The following CCDC88C variants were observed in gnomAD, a reference collection of about 807,000 sequenced individuals.
CCDC88C encodes the protein protein Daple.
CCDC88C carries 131 observed loss-of-function variants against 198.8 expected under a neutral mutation model. The ratio of observed to expected loss-of-function variants is 0.66; its 90% CI spans 0.57 to 0.76. The LOEUF is 0.76. Ranked by LOEUF, CCDC88C falls within the 30% of genes least tolerant of loss-of-function variation. The probability of loss-of-function intolerance (pLI) is 0.00; values close to 1 mark genes in which losing one functional copy is unlikely to be tolerated. For synonymous variants in CCDC88C, 1,166 were observed against 1,114.7 expected, an observed-to-expected ratio of 1.05 and a Z score of -0.92; for missense variants, 2,553 against 2,631.6, an observed-to-expected ratio of 0.97 and a Z score of 0.65.
chr14:91,323,520 T>C (rs951572890), intron 12 of CCDC88C, among the ~76,000 whole-genome samples: 4 of 152,186 alleles, frequency 2.6e-5, no homozygotes, highest in Non-Finnish European at 5.9e-5. Flanking sequence ...CACTGCCCCA[T>C]ACACTCAGGC....
chr14:91,345,190 A>ATATATT (rs1246878587), intron 4 of CCDC88C, among the ~76,000 whole-genome samples: 6 of 52,202 alleles, frequency 1.1e-4, no homozygotes, highest in Admixed American at 3.0e-4. Flanking sequence ...ATATATATAT[A>ATATATT]TTTTTTTTTT....
intron 26 of CCDC88C, among the ~76,000 whole-genome samples, chr14:91,282,504 T>C (rs77748318): frequency 0.025 from 3,761 of 152,362 alleles, 162 homozygotes; most frequent in South Asian, 0.18. Context: ...TGCTTTTTTA[T>C]AGCATCCTGT....
At chr14:91,367,434 T>A (rs1894593319) in intron 3 of CCDC88C, among the ~76,000 whole-genome samples, 1 of 152,200 alleles carries the variant, frequency 6.6e-6, no homozygotes, top group Non-Finnish European at 1.5e-5. Flanking sequence ...ATGAGTGACG[T>A]CGGCTTCGCA....
In CCDC88C at chr14:91,304,055, G is replaced by A. The variant is rs532365094; in HGVS notation, c.3358-77C>T. On this transcript the variant is annotated intron_variant, in intron 19 of 29. Coordinates refer to ENST00000389857, the MANE Select transcript of CCDC88C (RefSeq NM_001080414.4). ...GGGCTGGGGAGCAGGTCAAGTGCTCGAGCAGACACGAAAATAGCCGGGACC... is the reference window on the plus strand; with the variant it reads ...GGGCTGGGGAGCAGGTCAAGTGCTCAAGCAGACACGAAAATAGCCGGGACC... 1.3e-4 allele frequency: 193 copies of A among 1,509,176 alleles called. 1 individual carries two copies. In the African/African-American group the frequency reaches 2.5e-3, roughly 20 times the overall value. The allele number at this position is 1,509,176 out of a possible 1,614,324, so 93.5% of individuals were successfully genotyped here. A position where few individuals can be genotyped will look rare whatever the true frequency, so the allele number is the denominator to read the frequency against.
chr14:91,399,027 G>A (rs1169609530), intron 3 of CCDC88C, among the ~76,000 whole-genome samples: 3 of 152,140 alleles, frequency 2.0e-5, no homozygotes, highest in East Asian at 3.9e-4. Context: ...TCCTCTCTGC[G>A]GACCACTCTC....
chr14:91,338,448 C>T lies in CCDC88C; in HGVS notation c.891+41G>A, dbSNP rs1462846182. 6.6e-7 allele frequency: 1 copy of T among 1,523,448 alleles called. No individual in the cohort carries two copies. The highest frequency in any genetic ancestry group is 1.2e-5 in the South Asian group (1 of 83,490). The allele number at this position is 1,523,448 out of a possible 1,614,324, so 94.4% of individuals were successfully genotyped here. A position where few individuals can be genotyped will look rare whatever the true frequency, so the allele number is the denominator to read the frequency against. On this transcript the variant is annotated intron_variant, in intron 9 of 29. Transcript: ENST00000389857. The surrounding 1 kb of genome is among the most constrained non-coding windows in gnomAD (Gnocchi z 4.8). Reference sequence around the variant, plus strand: ...GGCCCCGTTACTGGACACTCCAGCCCTGCTACCCCCAGGACACACAGGCTC... The same window carrying T: ...GGCCCCGTTACTGGACACTCCAGCCTTGCTACCCCCAGGACACACAGGCTC...
In CCDC88C at chr14:91,344,801, T is replaced by C. The variant is rs566153109; in HGVS notation, c.341-1144A>G. Reference sequence around the variant, plus strand: ...GGCTTGAGCCACCGCGCCCGGCCCCTTTTTTTTTTTTCTGATACAGGTTCC... The same window carrying C: ...GGCTTGAGCCACCGCGCCCGGCCCCCTTTTTTTTTTTCTGATACAGGTTCC... On this transcript the variant is annotated intron_variant, in intron 4 of 29. Transcript: ENST00000389857. Among the ~76,000 whole-genome samples the C allele has an allele frequency of 2.0e-3, 284 of 143,416 alleles. 2 individuals carry two copies. The highest frequency in any genetic ancestry group is 6.2e-3 in the African/African-American group (247 of 39,580). The allele number at this position is 143,416 out of a possible 152,430, so 94.1% of individuals were successfully genotyped here.
In CCDC88C at chr14:91,325,875, T is replaced by C. The variant is rs752485418; in HGVS notation, c.1197+35A>G. 1.3e-6 allele frequency: 2 copies of C among 1,533,888 alleles called. No individual in the cohort carries two copies. The highest frequency in any genetic ancestry group is 1.8e-6 in the Non-Finnish European group (2 of 1,134,336). ...TGAGCCACTGTGCCCGAGCCCAATC[T>C]GTTTTCAATGTAGTAACAACACAGC... On this transcript the variant is annotated intron_variant, in intron 11 of 29. Coordinates refer to ENST00000389857, the MANE Select transcript of CCDC88C (RefSeq NM_001080414.4). This position sits in a 1 kb window ranked among gnomAD's most constrained non-coding sequence, Gnocchi z 4.1.
chr14:91,299,862 A>G, intron 21 of CCDC88C, 65 bp downstream of exon 21: 1 of 1,476,980 alleles, frequency 6.8e-7, no homozygotes, highest in Non-Finnish European at 9.0e-7. Context: ...AGTGGTTGCT[A>G]TGCAAGGAGA....
chr14:91,307,773 GTGTT>G (rs1435746300), intron 17 of CCDC88C, among the ~76,000 whole-genome samples: 1 of 152,236 alleles, frequency 6.6e-6, no homozygotes, highest in Non-Finnish European at 1.5e-5. Flanking sequence ...TGAGGAGCAT[GTGTT>G]TGTGTGTGGA....
chr14:91,294,370 C>G, intron 22 of CCDC88C, 52 bp from the exon 23 acceptor site: 1 of 1,592,752 alleles, frequency 6.3e-7, no homozygotes, highest in Non-Finnish European at 8.6e-7. Context: ...GGTGTTCCCA[C>G]TGCTGGGAAC....
Position 91,286,024 on chromosome 14 carries a change from T to C in CCDC88C, c.4442-2507A>G, listed in dbSNP as rs576465785. Among the ~76,000 whole-genome samples, 4 of 152,266 alleles carry C rather than the reference T, an allele frequency of 2.6e-5. No individual in the cohort carries two copies. The South Asian group carries it at 8.3e-4, about 32-fold the overall frequency. On this transcript the variant is annotated intron_variant, in intron 25 of 29. Coordinates refer to ENST00000389857, the MANE Select transcript of CCDC88C (RefSeq NM_001080414.4). ...GAACAGAATCAGGGCTCAGTAATCA[T>C]CTGTGCTCTGACTCAATTAATTTAA...
intron 25 of CCDC88C, among the ~76,000 whole-genome samples, chr14:91,283,852 C>G (rs944297027): frequency 1.3e-5 from 2 of 152,244 alleles, no homozygotes; most frequent in African/African-American, 4.8e-5. Flanking sequence ...CTCTAGGACA[C>G]ATCTCCTGTG....
rs1459792655 is a variant in CCDC88C, at chr14:91,321,368, AG to A, written c.1343-65del. The A allele has an allele frequency of 2.1e-5, 31 of 1,505,664 alleles. No homozygotes were observed. In the South Asian group the frequency reaches 3.6e-4, roughly 18 times the overall value. The allele number at this position is 1,505,664 out of a possible 1,614,324, so 93.3% of individuals were successfully genotyped here. A position where few individuals can be genotyped will look rare whatever the true frequency, so the allele number is the denominator to read the frequency against. On this transcript the variant is annotated intron_variant, in intron 12 of 29. Transcript: ENST00000389857. ...GCCTCCACTTCCACTCTCTGCCCCA[AG>A]CTCCGAGATGGTCATCAGTCCCGGA...
chr14:91,335,236 C>T (rs1892999578), intron 10 of CCDC88C, among the ~76,000 whole-genome samples: 1 of 152,168 alleles, frequency 6.6e-6, no homozygotes, highest in Admixed American at 6.5e-5. Context: ...GACTTGGGGC[C>T]ACGTAGCCTG....
At chr14:91,345,181 TATA>T (rs1288142582) in intron 4 of CCDC88C, among the ~76,000 whole-genome samples, 9 of 70,822 alleles carry the variant, frequency 1.3e-4, no homozygotes, top group African/African-American at 2.1e-4. Context: ...TATATATATA[TATA>T]TATATATTTT....
At position 91,273,796 on chromosome 14, in the gene CCDC88C, C is replaced by T. The variant is rs1659212394; in HGVS notation, c.5059-143G>A. 2 of 615,908 alleles carry T rather than the reference C, an allele frequency of 3.2e-6. No individual in the cohort carries two copies. Among genetic ancestry groups the T allele is most frequent in the Non-Finnish European group, 4.9e-6 (2 of 410,328 alleles). The allele number at this position is 615,908 out of a possible 1,614,324, so 38.2% of individuals were successfully genotyped here. ...TGCCTTCTCCGAGGCACATGTGCCG[C>T]CTCCACCACACACACCAGCCCTGGG... On this transcript the variant is annotated intron_variant, in intron 29 of 29. Transcript: ENST00000389857. This position sits in a 1 kb window ranked among gnomAD's most constrained non-coding sequence, Gnocchi z 5.6.
chr14:91,281,225 G>A lies in CCDC88C; in HGVS notation c.4699+232C>T, dbSNP rs10129331. On this transcript the variant is annotated intron_variant, in intron 27 of 29. Transcript: ENST00000389857. Reference sequence around the variant, plus strand: ...CTTGAAGGCATGAAGAGGAGAGGTCGGTGCTTCCAGAACTGTGATGCTTGG... The same window carrying A: ...CTTGAAGGCATGAAGAGGAGAGGTCAGTGCTTCCAGAACTGTGATGCTTGG... 4.1e-3 allele frequency: 4,481 copies of A among 1,102,618 alleles called. 124 individuals carry two copies. In the African/African-American group the frequency reaches 0.062, roughly 15 times the overall value. 68.3% of individuals were successfully genotyped at this position (1,102,618 alleles called of 1,614,324 possible).
At chr14:91,283,563 A>G (rs1890288008) in intron 25 of CCDC88C, 46 bp from the exon 26 acceptor site, 1 of 1,551,666 alleles carries the variant, frequency 6.4e-7, no homozygotes, top group East Asian at 2.4e-5. Context: ...CAAGTCCTGT[A>G]CCCAGGCTGG....
Sources: allele counts gnomAD v4.1 joint callset (sites outside exome capture counted in the v4.1 genomes callset), GRCh38; gene constraint gnomAD v4.1.1; non-coding constraint Gnocchi (gnomAD v3.1); transcripts MANE v1.5; gene names NCBI Gene and HGNC (gene_info 2026-07-23, HGNC 2026-07-21).